Variants in AKAP19 observed in about 807,000 individuals in gnomAD.
AKAP19 encodes small A-kinase anchoring protein.
At chr2:190,081,095 G>C in the AKAP19 span, among the ~76,000 whole-genome samples, 1 of 152,154 alleles carries the variant, frequency 6.6e-6, no homozygotes, top group Non-Finnish European at 1.5e-5. Context: ...TCTGCAGAAA[G>C]GAATGGCCCT....
chr2:189,956,453 G>A, the AKAP19 span, among the ~76,000 whole-genome samples: 2 of 152,098 alleles, frequency 1.3e-5, no homozygotes, highest in Non-Finnish European at 2.9e-5. Flanking sequence ...ACAGGCGTGA[G>A]CCACCGCACC....
chr2:189,992,828 G>T, the AKAP19 span, among the ~76,000 whole-genome samples: 1 of 151,990 alleles, frequency 6.6e-6, no homozygotes, highest in East Asian at 1.9e-4. Flanking sequence ...TGTTGTTGGT[G>T]GTGTATACCA....
At chr2:190,042,322 T>G in the AKAP19 span, among the ~76,000 whole-genome samples, 2 of 152,192 alleles carry the variant, frequency 1.3e-5, no homozygotes, top group Non-Finnish European at 2.9e-5. Context: ...TTTGTAGTAG[T>G]TTCTGATGGT....
the AKAP19 span, among the ~76,000 whole-genome samples, chr2:190,039,687 A>G: frequency 2.6e-5 from 4 of 151,754 alleles, no homozygotes; most frequent in African/African-American, 9.7e-5. Flanking sequence ...TCTCCCCTCA[A>G]GTAGACCCCG....
At chr2:190,003,829 C>T in the AKAP19 span, among the ~76,000 whole-genome samples, 1,784 of 151,834 alleles carry the variant, frequency 0.012, 39 homozygotes, top group African/African-American at 0.041. Context: ...ATCATGCCAC[C>T]GCACTCCAGC....
At chr2:190,175,327 G>A in the AKAP19 span, among the ~76,000 whole-genome samples, 2 of 152,212 alleles carry the variant, frequency 1.3e-5, no homozygotes, top group East Asian at 3.9e-4. Flanking sequence ...AACACAAAAA[G>A]GAATGCAGAA....
chr2:190,165,726 C>T, the AKAP19 span, among the ~76,000 whole-genome samples: 1,207 of 152,156 alleles, frequency 7.9e-3, 12 homozygotes, highest in African/African-American at 0.026. Context: ...AGGCAATAGT[C>T]AAAGAGATAA....
the AKAP19 span, among the ~76,000 whole-genome samples, chr2:190,026,340 A>G: frequency 6.6e-6 from 1 of 152,082 alleles, no homozygotes; most frequent in African/African-American, 2.4e-5. Flanking sequence ...GGCATCTCCT[A>G]CTCCACTTGA....
chr2:190,087,570 T>G, the AKAP19 span, among the ~76,000 whole-genome samples: 2 of 152,220 alleles, frequency 1.3e-5, no homozygotes, highest in Non-Finnish European at 1.5e-5. Context: ...CCTAAAACTC[T>G]TCCTCAGGCC....
At chr2:190,202,325 T>C in the AKAP19 span, 2 of 167,082 alleles carry the variant, frequency 1.2e-5, no homozygotes, top group Non-Finnish European at 2.9e-5. Context: ...CTGAAATATA[T>C]GCTGTATTGT....
the AKAP19 span, among the ~76,000 whole-genome samples, chr2:190,053,703 G>A: frequency 9.2e-5 from 14 of 152,080 alleles, no homozygotes; most frequent in Admixed American, 2.6e-4. Flanking sequence ...GGTAGTACTC[G>A]TATGTTTTAT....
chr2:189,981,807 T>C, the AKAP19 span, among the ~76,000 whole-genome samples: 1 of 152,212 alleles, frequency 6.6e-6, no homozygotes, highest in Admixed American at 6.5e-5. Flanking sequence ...TTTTTTATTC[T>C]TTAAGAAGGC....
chr2:190,190,420 A>G, the AKAP19 span, among the ~76,000 whole-genome samples: 1 of 152,206 alleles, frequency 6.6e-6, no homozygotes, highest in African/African-American at 2.4e-5. Flanking sequence ...CATTTTGAGG[A>G]TATCCCTAAT....
chr2:190,057,391 G>A, the AKAP19 span: 7 of 1,613,446 alleles, frequency 4.3e-6, no homozygotes, highest in Non-Finnish European at 5.9e-6. Context: ...TGAACCTCTG[G>A]GGTTTGCTTG....
the AKAP19 span, among the ~76,000 whole-genome samples, chr2:190,029,344 G>A: frequency 2.0e-5 from 3 of 151,818 alleles, no homozygotes; most frequent in East Asian, 1.9e-4. Flanking sequence ...GAGGCACCGC[G>A]CCCAGCCACA....
chr2:190,020,926 C>A, the AKAP19 span, among the ~76,000 whole-genome samples: 3 of 152,146 alleles, frequency 2.0e-5, no homozygotes, highest in Non-Finnish European at 4.4e-5. Context: ...TATCCATGAA[C>A]CTTACATTAG....
the AKAP19 span, among the ~76,000 whole-genome samples, chr2:189,982,123 C>T: frequency 6.6e-6 from 1 of 152,012 alleles, no homozygotes; most frequent in South Asian, 2.1e-4. Flanking sequence ...CTAGCTTTTT[C>T]TTTTCTCTCA....
At chr2:190,068,000 G>A in the AKAP19 span, among the ~76,000 whole-genome samples, 1 of 152,036 alleles carries the variant, frequency 6.6e-6, no homozygotes, top group Non-Finnish European at 1.5e-5. Flanking sequence ...TCAGAAGTTC[G>A]AGACCAGCTT....
chr2:190,118,833 T>C, the AKAP19 span, among the ~76,000 whole-genome samples: 1 of 152,174 alleles, frequency 6.6e-6, no homozygotes, highest in Non-Finnish European at 1.5e-5. Context: ...TTTCTCACCA[T>C]TCCTATTCAA....
Sources: gnomAD v4.1 joint callset for allele counts (sites outside exome capture counted in the v4.1 genomes callset) on GRCh38, gnomAD v4.1.1 for gene constraint, MANE v1.5 for transcripts, NCBI Gene and HGNC (gene_info 2026-07-23, HGNC 2026-07-21) for gene names.